Variants in ZNF451 observed in about 807,000 individuals in gnomAD.
ZNF451 encodes the protein zinc finger protein 451, also known as E3 SUMO-protein ligase ZNF451.
ZNF451 carries 80 observed loss-of-function variants against 107.1 expected under a neutral mutation model. The ratio of observed to expected loss-of-function variants is 0.75; its 90% CI spans 0.62 to 0.90. The LOEUF (loss-of-function observed/expected upper bound fraction) is 0.90, where lower values mean the gene tolerates loss of function less well. Among genes scored for constraint, ZNF451 ranks in the 40% least tolerant of loss-of-function variants. The pLI, the probability that ZNF451 is intolerant of heterozygous loss-of-function variation, is 0.00. For synonymous variants in ZNF451, 362 were observed against 406.5 expected, an observed-to-expected ratio of 0.89 and a Z score of 1.32; for missense variants, 1,107 against 1,236.2, an observed-to-expected ratio of 0.90 and a Z score of 1.57.
Position 57,170,041 on chromosome 6 carries a change from G to A in ZNF451, c.*1572G>A, listed in dbSNP as rs1184205297. The A allele has an allele frequency of 1.7e-5, 2 of 119,048 alleles. No individual in the cohort carries two copies. Among genetic ancestry groups the A allele is most frequent in the African/African-American group, 7.3e-5 (2 of 27,262 alleles). The allele number at this position is 119,048 out of a possible 1,614,324, so 7.4% of individuals were successfully genotyped here. On this transcript the variant is annotated 3_prime_UTR_variant, in exon 15 of 15. Coordinates refer to ENST00000370706, the MANE Select transcript of ZNF451 (RefSeq NM_001031623.3). ...GATGCTCTATTAAGAAGCTTTTGTG[G>A]TGTGTGTGGTAGAGAATAATTAAGG...
At chr6:57,113,247 T>C (rs569488215) in intron 3 of ZNF451, among the ~76,000 whole-genome samples, 1 of 152,286 alleles carries the variant, frequency 6.6e-6, no homozygotes, top group Non-Finnish European at 1.5e-5. Context: ...TATTTGGTTT[T>C]CTGTTCCTGT....
Position 57,103,554 on chromosome 6 carries a change from G to A in ZNF451, c.186+4413G>A. 9.1e-6 allele frequency: 9 copies of A among 985,366 alleles called. No individual in the cohort carries two copies. In the South Asian group the frequency reaches 4.2e-4, roughly 46 times the overall value. The allele number at this position is 985,366 out of a possible 1,614,324, so 61.0% of individuals were successfully genotyped here. A position where few individuals can be genotyped will look rare whatever the true frequency, so the allele number is the denominator to read the frequency against. ...ATGGTATATCAGCCCTTAGATCCAT[G>A]TCTTCACAGCATGACATCAGGAATG... is the stretch of plus-strand genomic sequence containing the variant. On this transcript the variant is annotated intron_variant, in intron 3 of 14. Coordinates refer to ENST00000370706, the MANE Select transcript of ZNF451 (RefSeq NM_001031623.3).
At chr6:57,148,780 A>G (rs895205405) in intron 10 of ZNF451, 87 bp downstream of exon 10, 3 of 1,279,162 alleles carry the variant, frequency 2.3e-6, no homozygotes, top group Non-Finnish European at 3.2e-6. Context: ...GAAGCAAGAA[A>G]CAGGGTAACT....
Position 57,147,711 on chromosome 6 carries a change from G to A in ZNF451, c.1626G>A (p.Arg542=). The A allele has an allele frequency of 6.2e-7, 1 of 1,613,934 alleles. No homozygotes were observed. Among genetic ancestry groups the A allele is most frequent in the Non-Finnish European group, 8.5e-7 (1 of 1,179,968 alleles). Residue 542 remains arginine, a synonymous_variant, in exon 10 of 15, where the codon AGG becomes AGA. Coordinates refer to ENST00000370706, the MANE Select transcript of ZNF451 (RefSeq NM_001031623.3). The part of the protein sequence containing the change: ...WCRTCKKELT[R]KDTIMAHVTE... ...GGACATGCAAAAAGGAGTTAACAAGGAAAGATACTATCATGGCACATGTGA... is the reference window on the plus strand; with the variant it reads ...GGACATGCAAAAAGGAGTTAACAAGAAAAGATACTATCATGGCACATGTGA...
intron 14 of ZNF451, among the ~76,000 whole-genome samples, chr6:57,161,494 G>A (rs1392340410): frequency 1.2e-4 from 13 of 110,694 alleles, no homozygotes; most frequent in African/African-American, 3.8e-4. Flanking sequence ...CTCCACCCCC[G>A]CCCCCCTCAA....
chr6:57,124,748 TA>T lies in ZNF451; in HGVS notation c.204del (p.Asp69ThrfsTer12), dbSNP rs971114797. 2 of 1,591,152 alleles carry T rather than the reference TA, an allele frequency of 1.3e-6. No homozygotes were observed. The highest frequency in any genetic ancestry group is 2.7e-5 in the African/African-American group (2 of 74,396). ...TCATGTTATAGGAGAATATTAAACG[TA>T]AAGACCATATTGATTATCAGAAGGA... ...TSYTDENIKRKDHIDYQKDKV... is the reference protein window; with the variant it reads ...TSYTDENIKRXDHIDYQKDKV... On this transcript the variant is annotated frameshift_variant, in exon 4 of 15. Coordinates refer to ENST00000370706, the MANE Select transcript of ZNF451 (RefSeq NM_001031623.3). LOFTEE classifies it high-confidence loss of function.
chr6:57,092,870 T>G (rs1460926859), intron 2 of ZNF451: 2 of 152,198 alleles, frequency 1.3e-5, no homozygotes, highest in African/African-American at 4.8e-5. Context: ...AAAGGAGTGA[T>G]ATAGATATGG....
At chr6:57,143,777 A>T (rs780727544) in intron 9 of ZNF451, among the ~76,000 whole-genome samples, 3 of 152,204 alleles carry the variant, frequency 2.0e-5, no homozygotes, top group Non-Finnish European at 4.4e-5. Context: ...TATTCATAAT[A>T]GTAAAAAAAT....
intron 3 of ZNF451, among the ~76,000 whole-genome samples, chr6:57,118,684 CTG>C (rs1421902347): frequency 6.6e-6 from 1 of 151,932 alleles, no homozygotes; most frequent in African/African-American, 2.4e-5. Flanking sequence ...AGGCCTTGCA[CTG>C]TTAGCTGGGC....
chr6:57,110,332 C>A (rs1830053214), intron 3 of ZNF451, among the ~76,000 whole-genome samples: 1 of 152,118 alleles, frequency 6.6e-6, no homozygotes, highest in Non-Finnish European at 1.5e-5. Flanking sequence ...TTTGTACAGC[C>A]ATTACTTGTA....
At chr6:57,107,727 G>C in intron 3 of ZNF451, 2 of 985,268 alleles carry the variant, frequency 2.0e-6, no homozygotes, top group South Asian at 4.7e-5. Flanking sequence ...GAATTCTCAG[G>C]CTGTCTGTAT....
chr6:57,147,415 A>G lies in ZNF451; in HGVS notation c.1330A>G (p.Ile444Val), dbSNP rs2127978719. ...KESSSLECIA[I>V]PKKKMNLKDK... The stretch of plus-strand genomic sequence containing the variant: ...ATCTAGCTCACTGGAGTGCATTGCC[A>G]TTCCAAAAAAGAAGATGAATTTAAA... Residue 444 changes from isoleucine (I) to valine (V), a missense_variant, in exon 10 of 15, where the codon ATT becomes GTT. Ile to Val is a conservative substitution (Grantham distance 29). This residue lies in a region of ZNF451 where 608 missense variants were observed against 649.2 expected (regional missense o/e 0.94). Coordinates refer to ENST00000370706, the MANE Select transcript of ZNF451 (RefSeq NM_001031623.3). 6.2e-7 allele frequency: 1 copy of G among 1,614,030 alleles called. No individual in the cohort carries two copies.
intron 11 of ZNF451, 99 bp from the exon 12 acceptor site, chr6:57,152,122 C>G: frequency 8.1e-7 from 1 of 1,240,194 alleles, no homozygotes; most frequent in Non-Finnish European, 1.1e-6. Context: ...TACTTTGCCT[C>G]TAGAAAAATT....
chr6:57,159,429 C>T (rs1229603792), intron 13 of ZNF451: 3 of 983,142 alleles, frequency 3.1e-6, no homozygotes, highest in East Asian at 1.1e-4. Context: ...TTAGAGCAAG[C>T]TTGTCTAACC....
chr6:57,165,819 A>AT (rs1763871322), intron 14 of ZNF451: 1 of 152,220 alleles, frequency 6.6e-6, no homozygotes, highest in Non-Finnish European at 1.5e-5. Flanking sequence ...ACATTGTAAC[A>AT]TAATGGTAAA....
intron 9 of ZNF451, among the ~76,000 whole-genome samples, chr6:57,142,505 C>A (rs1831819989): frequency 1.3e-5 from 2 of 152,196 alleles, no homozygotes. Context: ...GCCATAGTAT[C>A]TGTGAGATTT....
intron 3 of ZNF451, chr6:57,107,082 A>C (rs1057030527): frequency 1.6e-5 from 16 of 985,110 alleles, no homozygotes; most frequent in Non-Finnish European, 1.7e-5. Flanking sequence ...AGTGTTTGGT[A>C]CCATTGAGAT....
intron 13 of ZNF451, 119 bp from the exon 14 acceptor site, chr6:57,160,965 G>T (rs1763646235): frequency 3.7e-6 from 2 of 541,284 alleles, no homozygotes; most frequent in Non-Finnish European, 6.4e-6. Flanking sequence ...GGAAAGTAGT[G>T]TAACACTAAT....
At position 57,147,568 on chromosome 6, in the gene ZNF451, A is replaced by G. The variant is rs745335830; in HGVS notation, c.1483A>G (p.Thr495Ala). The G allele has an allele frequency of 5.0e-6, 8 of 1,614,058 alleles. No homozygotes were observed. The Admixed American group carries it at 8.3e-5, about 17-fold the overall frequency. ...AGAAAAGCATGTTTTCTCAGCAAAC[A>G]CAATGGGTTATAAATGTGTGGTCTG... The part of the protein sequence containing the change: ...AVEKHVFSAN[T>A]MGYKCVVCGK... The change falls in exon 10 of 15, where the codon ACA becomes GCA. Residue 495 changes from threonine to alanine, a missense_variant. Physicochemically the swap from Thr to Ala is moderately conservative, Grantham distance 58. This residue lies in a region of ZNF451 where 608 missense variants were observed against 649.2 expected (regional missense o/e 0.94). Transcript: ENST00000370706.
Sources: gnomAD v4.1 joint callset for allele counts (sites outside exome capture counted in the v4.1 genomes callset) on GRCh38, gnomAD v4.1.1 for gene constraint, gnomAD v4.1.1 regional missense constraint, MANE v1.5 for transcripts, NCBI Gene and HGNC (gene_info 2026-07-23, HGNC 2026-07-21) for gene names.